Variants in ESYT2 observed in about 807,000 individuals in gnomAD.
ESYT2 encodes the protein extended synaptotagmin 2.
ESYT2 carries 54 observed loss-of-function variants against 107.2 expected under a neutral mutation model. That is an observed-to-expected ratio of 0.50 (90% CI 0.40 to 0.63). ESYT2 has a LOEUF of 0.63. Ranked by LOEUF, ESYT2 falls within the 30% of genes least tolerant of loss-of-function variation. ESYT2 has a pLI of 0.00. For missense variants in ESYT2, 1,020 were observed against 1,094.5 expected, an observed-to-expected ratio of 0.93 and a Z score of 0.96; for synonymous variants, 491 against 434.1, an observed-to-expected ratio of 1.13 and a Z score of -1.63.
chr7:158,737,398 C>A (rs1837001960), intron 19 of ESYT2, among the ~76,000 whole-genome samples: 1 of 152,154 alleles, frequency 6.6e-6, no homozygotes, highest in South Asian at 2.1e-4. Context: ...GCGACTTCGG[C>A]CTTCATTTCT....
At chr7:158,809,742 T>A (rs1173777912) in intron 1 of ESYT2, among the ~76,000 whole-genome samples, 1 of 152,200 alleles carries the variant, frequency 6.6e-6, no homozygotes, top group Non-Finnish European at 1.5e-5. Flanking sequence ...TAACTGGATG[T>A]GTGAAGAGAC....
intron 13 of ESYT2, among the ~76,000 whole-genome samples, chr7:158,758,122 T>C (rs1837831623): frequency 6.6e-6 from 1 of 152,070 alleles, no homozygotes; most frequent in Non-Finnish European, 1.5e-5. Flanking sequence ...TTCTAAGAAG[T>C]TAAAATCGGT....
Position 158,763,237 on chromosome 7 carries a change from T to C in ESYT2, c.1102-72A>G, listed in dbSNP as rs550587408. 4 of 983,618 alleles carry C rather than the reference T, an allele frequency of 4.1e-6. No individual in the cohort carries two copies. The East Asian group carries it at 1.0e-4, about 26-fold the overall frequency. The allele number at this position is 983,618 out of a possible 1,614,324, so 60.9% of individuals were successfully genotyped here. On this transcript the variant is annotated intron_variant, in intron 9 of 22. Coordinates refer to ENST00000275418, the MANE Select transcript of ESYT2 (RefSeq NM_001367773.1). ...TCATACACTGAGTATGATATGATGATTGTAGTAAATATGACCAGGTACTTT... is the reference window on the plus strand; with the variant it reads ...TCATACACTGAGTATGATATGATGACTGTAGTAAATATGACCAGGTACTTT...
intron 16 of ESYT2, among the ~76,000 whole-genome samples, chr7:158,746,630 G>T (rs1291667284): frequency 6.6e-6 from 1 of 152,094 alleles, no homozygotes; most frequent in Non-Finnish European, 1.5e-5. Context: ...CTATACATAT[G>T]GGCAACTGAA....
In ESYT2 at chr7:158,787,971, G is replaced by A. The variant is rs184125976; in HGVS notation, c.747+33C>T. The A allele has an allele frequency of 1.5e-5, 23 of 1,573,258 alleles. No homozygotes were observed. The East Asian group carries it at 4.9e-4, about 34-fold the overall frequency. ...CGGGTATGTATTTTTGCCACCAAAT[G>A]GGAAAATAAAAATGAAATAAATATT... On this transcript the variant is annotated intron_variant, in intron 6 of 22. Coordinates refer to ENST00000275418, the MANE Select transcript of ESYT2 (RefSeq NM_001367773.1).
At chr7:158,753,890 C>T (rs1232244189) in intron 13 of ESYT2, among the ~76,000 whole-genome samples, 14 of 152,270 alleles carry the variant, frequency 9.2e-5, no homozygotes, top group Middle Eastern at 3.4e-3. Context: ...TGACATTCTT[C>T]GGATATCCTA....
chr7:158,738,950 G>T (rs7803766), intron 19 of ESYT2, 73 bp downstream of exon 19: 5 of 1,365,982 alleles, frequency 3.7e-6, no homozygotes, highest in Non-Finnish European at 5.2e-6. Flanking sequence ...TCCTAAAGGC[G>T]GTGTCTACAT....
At chr7:158,738,567 G>A (rs929118027) in intron 19 of ESYT2, among the ~76,000 whole-genome samples, 1 of 151,940 alleles carries the variant, frequency 6.6e-6, no homozygotes, top group African/African-American at 2.4e-5. Flanking sequence ...TGATTCTCCT[G>A]CATCAGCCTC....
chr7:158,771,147 A>G (rs1400396248), intron 7 of ESYT2, among the ~76,000 whole-genome samples: 2 of 152,252 alleles, frequency 1.3e-5, no homozygotes, highest in Admixed American at 1.3e-4. Context: ...CAGGGGATCA[A>G]CTTCCCCAAA....
intron 21 of ESYT2, among the ~76,000 whole-genome samples, chr7:158,734,682 C>T (rs537909062): frequency 5.9e-5 from 9 of 152,322 alleles, no homozygotes; most frequent in Admixed American, 1.3e-4. Flanking sequence ...CCCAGCAACT[C>T]GGGAGGCTGA....
rs1836771826 is a variant in ESYT2 at position 158,732,090 on chromosome 7, T to G, written c.*2117A>C. On this transcript the variant is annotated 3_prime_UTR_variant, in exon 23 of 23. Coordinates refer to ENST00000275418, the MANE Select transcript of ESYT2 (RefSeq NM_001367773.1). ...TACCTTTAATTGTGTCTACTCTGCC[T>G]AAGTGCTTAAATAAAGCATTCCATT... The G allele has an allele frequency of 6.6e-6, 1 of 152,248 alleles. No homozygotes were observed. The highest frequency in any genetic ancestry group is 2.1e-4 in the South Asian group (1 of 4,828). The allele number at this position is 152,248 out of a possible 1,614,324, so 9.4% of individuals were successfully genotyped here.
chr7:158,821,221 T>A (rs1840276837), intron 1 of ESYT2, among the ~76,000 whole-genome samples: 1 of 152,212 alleles, frequency 6.6e-6, no homozygotes, highest in Non-Finnish European at 1.5e-5. Flanking sequence ...AGACAACTAC[T>A]AACATATTCA....
At chr7:158,780,742 A>C (rs1297372892) in intron 6 of ESYT2, among the ~76,000 whole-genome samples, 1 of 152,204 alleles carries the variant, frequency 6.6e-6, no homozygotes, top group Non-Finnish European at 1.5e-5. Context: ...TGCGGAAGGA[A>C]AGGACTCAGC....
At chr7:158,771,279 A>G (rs1257293106) in intron 7 of ESYT2, among the ~76,000 whole-genome samples, 2 of 152,188 alleles carry the variant, frequency 1.3e-5, no homozygotes, top group Admixed American at 6.5e-5. Flanking sequence ...CTCCTATGAT[A>G]CTGAAGGGAG....
chr7:158,786,532 G>A (rs887342884), intron 6 of ESYT2, among the ~76,000 whole-genome samples: 4 of 152,082 alleles, frequency 2.6e-5, no homozygotes, highest in Admixed American at 1.3e-4. Context: ...GTTTTTGGAC[G>A]TTCCCATGTT....
chr7:158,821,839 C>T (rs546258578), intron 1 of ESYT2, among the ~76,000 whole-genome samples: 1 of 152,204 alleles, frequency 6.6e-6, no homozygotes, highest in Non-Finnish European at 1.5e-5. Context: ...CGGCCGCTCG[C>T]GCTGTTGCCA....
At position 158,783,844 on chromosome 7, in the gene ESYT2, GC is replaced by G. The variant is rs1169805792; in HGVS notation, c.747+4159del. Among the ~76,000 whole-genome samples the G allele has an allele frequency of 2.8e-4, 43 of 152,346 alleles. No homozygotes were observed. In the East Asian group the frequency reaches 7.3e-3, roughly 26 times the overall value. On this transcript the variant is annotated intron_variant, in intron 6 of 22. Transcript: ENST00000275418. ...GGGAGGAGCCCGGGAGGAGGCAGCTGCCACTGTAGAAGGGCACAAAGGAAGC... is the reference window on the plus strand; with the variant it reads ...GGGAGGAGCCCGGGAGGAGGCAGCTGCACTGTAGAAGGGCACAAAGGAAGC...
Position 158,759,598 on chromosome 7 carries a change from A to G in ESYT2, c.1324-17T>C. On this transcript the variant is annotated splice_polypyrimidine_tract_variant and intron_variant, in intron 12 of 22. Coordinates refer to ENST00000275418, the MANE Select transcript of ESYT2 (RefSeq NM_001367773.1). Reference sequence around the variant, plus strand: ...TGTTAGCACCTAAAAGGAAAGGAAAAAGCCCTTAGCAGCCATGTTTCCACA... The same window carrying G: ...TGTTAGCACCTAAAAGGAAAGGAAAGAGCCCTTAGCAGCCATGTTTCCACA... The G allele has an allele frequency of 1.3e-6, 2 of 1,595,884 alleles. No homozygotes were observed. The highest frequency in any genetic ancestry group is 1.7e-6 in the Non-Finnish European group (2 of 1,165,962).
At chr7:158,826,941 G>T (rs1311510647) in intron 1 of ESYT2, among the ~76,000 whole-genome samples, 3 of 151,816 alleles carry the variant, frequency 2.0e-5, no homozygotes, top group African/African-American at 7.3e-5. Context: ...AAGGCAGGCG[G>T]AACACAAGGT....
Sources: allele counts gnomAD v4.1 joint callset (sites outside exome capture counted in the v4.1 genomes callset), GRCh38; gene constraint gnomAD v4.1.1; transcripts MANE v1.5; gene names NCBI Gene and HGNC (gene_info 2026-07-23, HGNC 2026-07-21).